The following TSHZ1 variants were observed in gnomAD, a reference collection of about 807,000 sequenced individuals.
TSHZ1 encodes teashirt homolog 1.
A neutral mutation model predicts 67.1 loss-of-function variants in TSHZ1; 12 were observed. The ratio of observed to expected loss-of-function variants is 0.18; its 90% confidence interval spans 0.11 to 0.29. The LOEUF is 0.29. Ranked by LOEUF, TSHZ1 falls within the 10% of genes least tolerant of loss-of-function variation. The pLI is 1.00. For synonymous variants in TSHZ1, 632 were observed against 622.4 expected (o/e 1.02, Z -0.23); for missense variants, 1,305 against 1,413.9 (o/e 0.92, Z 1.23).
rs34767247 is a variant in TSHZ1, at chr18:75,289,351, CAAA to C, written c.*718_*720del. On this transcript the variant is annotated 3_prime_UTR_variant, in exon 2 of 2. Coordinates refer to ENST00000580243, the MANE Select transcript of TSHZ1 (RefSeq NM_001308210.2). ...GGATGCTGAAAAATGCCACTTTCGGCAAAAAAAAAAGTATGCAAGCTATTATTT... is the reference window on the plus strand; with the variant it reads ...GGATGCTGAAAAATGCCACTTTCGGCAAAAAAAGTATGCAAGCTATTATTT... 1.3e-5 allele frequency: 2 copies of C among 156,018 alleles called. No individual in the cohort carries two copies. The highest frequency in any genetic ancestry group is 4.0e-4 in the East Asian group (2 of 5,038). 9.7% of individuals were successfully genotyped at this position (156,018 alleles called of 1,614,324 possible).
intron 1 of TSHZ1, among the ~76,000 whole-genome samples, chr18:75,240,661 C>T (rs1260528552): frequency 6.6e-6 from 1 of 152,164 alleles, no homozygotes; most frequent in African/African-American, 2.4e-5. Context: ...TGGTCCTCCT[C>T]CCCAGCGGGG....
In TSHZ1 at chr18:75,287,708, G is replaced by T. The variant is rs371139909; in HGVS notation, c.2301G>T (p.Ser767=). ...AGGTGTCCAAGCCCGTGAGTCCCTC[G>T]CTGGACCCGCTGGCGATGCTGTACA... ...LGKVSKPVSP[S]LDPLAMLYKI... is the part of the protein sequence containing the mutation. The change falls in exon 2 of 2, where the codon TCG becomes TCT. Residue 767 remains serine, a synonymous_variant. Coordinates refer to ENST00000580243, the MANE Select transcript of TSHZ1 (RefSeq NM_001308210.2). The surrounding 1 kb of genome is among the most constrained non-coding windows in gnomAD (Gnocchi z 5.0). 3 of 1,614,058 alleles carry T rather than the reference G, an allele frequency of 1.9e-6. No individual in the cohort carries two copies. The highest frequency in any genetic ancestry group is 1.3e-5 in the African/African-American group (1 of 74,930).
chr18:75,214,801 T>C (rs1384322255), intron 1 of TSHZ1, among the ~76,000 whole-genome samples: 1 of 152,226 alleles, frequency 6.6e-6, no homozygotes, highest in Admixed American at 6.5e-5. Context: ...TAAGGTTGTT[T>C]AGCCAGCTTC....
chr18:75,224,188 C>A (rs929216721), intron 1 of TSHZ1, among the ~76,000 whole-genome samples: 1 of 150,740 alleles, frequency 6.6e-6, no homozygotes, highest in African/African-American at 2.4e-5. Context: ...AGATGTTTTA[C>A]ACACTACGGT....
chr18:75,214,922 C>T (rs578152682), intron 1 of TSHZ1, among the ~76,000 whole-genome samples: 50 of 152,164 alleles, frequency 3.3e-4, no homozygotes, highest in Admixed American at 1.1e-3. Context: ...GATGTAATCA[C>T]GTTGATATTA....
intron 1 of TSHZ1, among the ~76,000 whole-genome samples, chr18:75,237,969 T>G (rs1048120657): frequency 2.6e-5 from 4 of 152,058 alleles, no homozygotes; most frequent in Admixed American, 6.6e-5. Context: ...TGTGCCACCA[T>G]GCCCGGCTAA....
At chr18:75,255,000 T>C (rs945840647) in intron 1 of TSHZ1, among the ~76,000 whole-genome samples, 2 of 152,236 alleles carry the variant, frequency 1.3e-5, no homozygotes, top group Non-Finnish European at 2.9e-5. Context: ...CTTTCAATAA[T>C]TGATAGTATA....
At chr18:75,233,140 C>T (rs982362764) in intron 1 of TSHZ1, among the ~76,000 whole-genome samples, 1 of 152,198 alleles carries the variant, frequency 6.6e-6, no homozygotes, top group Non-Finnish European at 1.5e-5. Context: ...TTTTCTGTGT[C>T]GTAGGAGTTC....
intron 1 of TSHZ1, among the ~76,000 whole-genome samples, chr18:75,248,691 A>C (rs1349714143): frequency 6.6e-6 from 1 of 152,236 alleles, no homozygotes; most frequent in Non-Finnish European, 1.5e-5. Flanking sequence ...CGTTTATTGG[A>C]AGCTAATGTT....
chr18:75,272,128 G>A (rs2023565633), intron 1 of TSHZ1, among the ~76,000 whole-genome samples: 2 of 152,212 alleles, frequency 1.3e-5, no homozygotes, highest in Non-Finnish European at 2.9e-5. Context: ...GAGAGGGGAG[G>A]GGGCATAGAC....
At chr18:75,223,357 T>C (rs2022874606) in intron 1 of TSHZ1, among the ~76,000 whole-genome samples, 1 of 152,224 alleles carries the variant, frequency 6.6e-6, no homozygotes, top group Non-Finnish European at 1.5e-5. Flanking sequence ...TAATGGGTAA[T>C]AATTACATCT....
intron 1 of TSHZ1, among the ~76,000 whole-genome samples, chr18:75,265,004 G>A (rs2023473650): frequency 6.6e-6 from 1 of 152,086 alleles, no homozygotes; most frequent in South Asian, 2.1e-4. Context: ...GGCTTAAATT[G>A]GTACGTTAAA....
chr18:75,227,955 C>G (rs376065352), intron 1 of TSHZ1, among the ~76,000 whole-genome samples: 36 of 152,350 alleles, frequency 2.4e-4, no homozygotes, highest in East Asian at 2.3e-3. Flanking sequence ...GAATCCCCAT[C>G]AACATTATTG....
At chr18:75,277,760 G>A (rs1599054806) in intron 1 of TSHZ1, among the ~76,000 whole-genome samples, 1 of 152,158 alleles carries the variant, frequency 6.6e-6, no homozygotes, top group Non-Finnish European at 1.5e-5. Flanking sequence ...AGAGGAATTC[G>A]AGGGCGGGGA....
chr18:75,287,253 G>T lies in TSHZ1; in HGVS notation c.1846G>T (p.Glu616Ter). Residue 616 changes from glutamate to a stop codon, truncating the protein, a stop_gained, in exon 2 of 2, where the codon GAG becomes TAG. Coordinates refer to ENST00000580243, the MANE Select transcript of TSHZ1 (RefSeq NM_001308210.2). LOFTEE classifies it high-confidence loss of function. The surrounding 1 kb of genome is among the most constrained non-coding windows in gnomAD (Gnocchi z 5.0). ...AGGVKSLSSA[E>*]HNALLHSPGS... ...CGGCGTGAAGTCGCTGTCTTCCGCC[G>T]AGCACAACGCCCTCCTGCACTCCCC... 6.2e-7 allele frequency: 1 copy of T among 1,613,940 alleles called. No homozygotes were observed. The highest frequency in any genetic ancestry group is 8.5e-7 in the Non-Finnish European group (1 of 1,179,970).
intron 1 of TSHZ1, among the ~76,000 whole-genome samples, chr18:75,243,065 C>A (rs2023176901): frequency 6.6e-6 from 1 of 152,116 alleles, no homozygotes; most frequent in South Asian, 2.1e-4. Context: ...TCAGAGAGGT[C>A]CTGGGTGCAG....
chr18:75,275,534 T>C (rs2581644), intron 1 of TSHZ1, among the ~76,000 whole-genome samples: 120,319 of 152,154 alleles, frequency 0.79, 47,769 homozygotes, highest in South Asian at 0.88. Context: ...ATGCCATGCA[T>C]AAGTCTCCTC....
chr18:75,254,324 T>G (rs1299666690), intron 1 of TSHZ1, among the ~76,000 whole-genome samples: 1 of 152,188 alleles, frequency 6.6e-6, no homozygotes, highest in African/African-American at 2.4e-5. Context: ...AAATAAGGAT[T>G]TGAGACATTA....
At chr18:75,252,057 A>T (rs1349703347) in intron 1 of TSHZ1, among the ~76,000 whole-genome samples, 6 of 152,180 alleles carry the variant, frequency 3.9e-5, no homozygotes, top group African/African-American at 1.4e-4. Context: ...TCCTATGCAG[A>T]TCTATTAATG....
Sources: gnomAD v4.1 joint callset for allele counts (sites outside exome capture counted in the v4.1 genomes callset) on GRCh38, gnomAD v4.1.1 for gene constraint, Gnocchi (gnomAD v3.1) non-coding constraint, MANE v1.5 for transcripts, NCBI Gene and HGNC (gene_info 2026-07-23, HGNC 2026-07-21) for gene names.